The following ARHGAP24 variants were observed in gnomAD, a reference collection of about 807,000 sequenced individuals.
ARHGAP24 encodes Rho GTPase activating protein 24.
ARHGAP24 carries 50 observed loss-of-function variants against 76.4 expected under a neutral mutation model. The observed-to-expected ratio is 0.65, with a 90% CI of 0.52 to 0.83. ARHGAP24 has a LOEUF of 0.83. ARHGAP24 is among the 40% of genes least tolerant of loss of function. The probability of loss-of-function intolerance (pLI) is 0.00; values close to 1 mark genes in which losing one functional copy is unlikely to be tolerated. For synonymous variants in ARHGAP24, 345 were observed against 323.3 expected, an observed-to-expected ratio of 1.07 and a Z score of -0.72; for missense variants, 930 against 914.2, an observed-to-expected ratio of 1.02 and a Z score of -0.22.
intron 2 of ARHGAP24, among the ~76,000 whole-genome samples, chr4:85,643,232 G>T (rs1206007136): frequency 1.0e-4 from 7 of 66,890 alleles, no homozygotes; most frequent in African/African-American, 3.6e-4. Flanking sequence ...CCGTTTTTTT[G>T]TGTTTTTTTT....
At position 85,804,987 on chromosome 4, in the gene ARHGAP24, G is replaced by T. The variant is rs1394736857; in HGVS notation, c.268+83015G>T. Among the ~76,000 whole-genome samples the T allele has an allele frequency of 2.0e-5, 3 of 152,054 alleles. No homozygotes were observed. The East Asian group carries it at 5.8e-4, about 29-fold the overall frequency. ...CTATTTCTCTTTCCTTTAATCTCTA[G>T]TTATATTAGGTACCATCTTAGTTGC... is the stretch of plus-strand genomic sequence containing the variant. On this transcript the variant is annotated intron_variant, in intron 3 of 9. Transcript: ENST00000395184.
chr4:85,657,459 C>A (rs1406149812), intron 2 of ARHGAP24, among the ~76,000 whole-genome samples: 4 of 151,978 alleles, frequency 2.6e-5, no homozygotes, highest in South Asian at 2.1e-4. Flanking sequence ...CCTCTTTTAA[C>A]CTGTCTCAGA....
intron 3 of ARHGAP24, among the ~76,000 whole-genome samples, chr4:85,779,489 C>T (rs914848200): frequency 1.3e-5 from 2 of 152,118 alleles, no homozygotes; most frequent in Non-Finnish European, 2.9e-5. Flanking sequence ...ACCTGGGAAA[C>T]ACAGTTATTT....
At chr4:85,924,201 A>G (rs1024883234) in intron 4 of ARHGAP24, among the ~76,000 whole-genome samples, 7 of 152,194 alleles carry the variant, frequency 4.6e-5, no homozygotes, top group African/African-American at 1.7e-4. Context: ...TTTGATAATA[A>G]TCTGATGATT....
At chr4:85,816,694 T>A (rs1481727872) in intron 3 of ARHGAP24, among the ~76,000 whole-genome samples, 2 of 152,342 alleles carry the variant, frequency 1.3e-5, no homozygotes, top group East Asian at 3.9e-4. Context: ...TGATTTTATA[T>A]CTTGGCTATT....
chr4:85,501,345 T>G (rs2110099381), intron 1 of ARHGAP24, among the ~76,000 whole-genome samples: 1 of 152,356 alleles, frequency 6.6e-6, no homozygotes, highest in East Asian at 1.9e-4. Context: ...CCACCAACAG[T>G]GTAAATGCAT....
At chr4:85,898,398 T>C (rs1043871263) in intron 3 of ARHGAP24, among the ~76,000 whole-genome samples, 1 of 152,142 alleles carries the variant, frequency 6.6e-6, no homozygotes, top group African/African-American at 2.4e-5. Flanking sequence ...CTAGGGTGCA[T>C]ACAGGCTCTT....
At chr4:85,655,788 T>TAGAGAGAGAGAGAG (rs1296201189) in intron 2 of ARHGAP24, among the ~76,000 whole-genome samples, 1 of 49,518 alleles carries the variant, frequency 2.0e-5, no homozygotes, top group Non-Finnish European at 3.4e-5. Flanking sequence ...TATATATATA[T>TAGAGAGAGAGAGAG]ATATAGAGAG....
At chr4:85,591,031 G>GTTTTTTTTTTTT (rs35373441) in intron 2 of ARHGAP24, among the ~76,000 whole-genome samples, 1 of 62,610 alleles carries the variant, frequency 1.6e-5, no homozygotes, top group African/African-American at 6.8e-5. Context: ...AATCTGCTGG[G>GTTTTTTTTTTTT]TTTTTTTTTT....
At position 85,848,703 on chromosome 4, in the gene ARHGAP24, A is replaced by G. The variant is rs1435313894; in HGVS notation, c.269-74945A>G. On this transcript the variant is annotated intron_variant, in intron 3 of 9. Coordinates refer to ENST00000395184, the MANE Select transcript of ARHGAP24 (RefSeq NM_001025616.3). ...GCACAACGCCATTTATTAAATAGGGAATCTTTTCCCCATTTCTTGTTTTTG... is the reference window on the plus strand; with the variant it reads ...GCACAACGCCATTTATTAAATAGGGGATCTTTTCCCCATTTCTTGTTTTTG... 2.0e-5 allele frequency among the ~76,000 whole-genome samples: 3 copies of G among 152,148 alleles called. No homozygotes were observed. The East Asian group carries it at 5.8e-4, about 29-fold the overall frequency.
At chr4:85,664,141 T>A (rs1354289392) in intron 2 of ARHGAP24, among the ~76,000 whole-genome samples, 1 of 151,506 alleles carries the variant, frequency 6.6e-6, no homozygotes, top group African/African-American at 2.5e-5. Flanking sequence ...CATCTGGTCC[T>A]GGACTCTTTT....
At chr4:85,940,425 TC>T (rs1560732965) in intron 4 of ARHGAP24, among the ~76,000 whole-genome samples, 1 of 152,086 alleles carries the variant, frequency 6.6e-6, no homozygotes, top group African/African-American at 2.4e-5. Flanking sequence ...ACAGATGTCT[TC>T]CCTTTTCATC....
chr4:85,955,170 G>C (rs528992424), intron 5 of ARHGAP24, among the ~76,000 whole-genome samples: 19 of 152,104 alleles, frequency 1.2e-4, no homozygotes, highest in African/African-American at 4.6e-4. Context: ...TCCCTTTTCT[G>C]TTTTAAAATC....
chr4:85,843,778 T>G (rs998152344), intron 3 of ARHGAP24, among the ~76,000 whole-genome samples: 15 of 152,116 alleles, frequency 9.9e-5, no homozygotes, highest in African/African-American at 3.6e-4. Flanking sequence ...TGTTGGAAAT[T>G]TAAGCCATAG....
At chr4:85,835,553 C>G (rs1337840605) in intron 3 of ARHGAP24, among the ~76,000 whole-genome samples, 2 of 67,992 alleles carry the variant, frequency 2.9e-5, no homozygotes, top group African/African-American at 1.4e-4. Context: ...GAGACTCCAT[C>G]TCAAAAAAAA....
intron 1 of ARHGAP24, among the ~76,000 whole-genome samples, chr4:85,536,199 A>T (rs553392582): frequency 6.6e-6 from 1 of 152,238 alleles, no homozygotes; most frequent in East Asian, 1.9e-4. Context: ...ACATGACTAG[A>T]CACTAATAAA....
chr4:85,934,717 G>A (rs1245073023), intron 4 of ARHGAP24, among the ~76,000 whole-genome samples: 3 of 152,056 alleles, frequency 2.0e-5, no homozygotes, highest in Non-Finnish European at 4.4e-5. Flanking sequence ...GTTTCATCAC[G>A]TTGGCCAGGC....
chr4:85,745,756 A>G (rs1726009436), intron 3 of ARHGAP24, among the ~76,000 whole-genome samples: 1 of 152,208 alleles, frequency 6.6e-6, no homozygotes, highest in African/African-American at 2.4e-5. Flanking sequence ...AACTAAGTGT[A>G]ATACATAGAA....
chr4:85,779,465 G>A (rs937561036), intron 3 of ARHGAP24, among the ~76,000 whole-genome samples: 1 of 152,132 alleles, frequency 6.6e-6, no homozygotes, highest in Non-Finnish European at 1.5e-5. Flanking sequence ...ACTCATCACA[G>A]CTTGGTAGAT....
Sources: allele counts gnomAD v4.1 joint callset (sites outside exome capture counted in the v4.1 genomes callset), GRCh38; gene constraint gnomAD v4.1.1; transcripts MANE v1.5; gene names NCBI Gene and HGNC (gene_info 2026-07-23, HGNC 2026-07-21).